CDH13: variants seen among roughly 807,000 people sequenced by gnomAD.
CDH13 encodes the protein cadherin 13.
CDH13 carries 24 observed loss-of-function variants against 63.8 expected under a neutral mutation model. The observed-to-expected ratio is 0.38, with a 90% CI of 0.27 to 0.53. CDH13 has a LOEUF of 0.53. CDH13 is among the 20% of genes least tolerant of loss of function. The pLI is 0.85. For missense variants in CDH13, 1,049 were observed against 903.1 expected (o/e 1.16, Z -2.07); for synonymous variants, 503 against 355.3 (o/e 1.42, Z -4.67).
At chr16:83,071,984 G>A (rs1302594077) in intron 3 of CDH13, among the ~76,000 whole-genome samples, 1 of 151,902 alleles carries the variant, frequency 6.6e-6, no homozygotes, top group Non-Finnish European at 1.5e-5. Flanking sequence ...AAGCACATAT[G>A]CAATTCTAAA....
At chr16:82,797,010 C>G (rs748377917) in intron 1 of CDH13, among the ~76,000 whole-genome samples, 1 of 152,224 alleles carries the variant, frequency 6.6e-6, no homozygotes, top group East Asian at 1.9e-4. Flanking sequence ...CCAAACCAGC[C>G]TGACACAGTA....
intron 1 of CDH13, among the ~76,000 whole-genome samples, chr16:82,689,958 A>G: frequency 7.4e-6 from 1 of 135,512 alleles, no homozygotes; most frequent in East Asian, 2.5e-4. Flanking sequence ...CAGCCTGACC[A>G]ACATGGTGAA....
At chr16:83,304,176 A>G (rs1265483501) in intron 5 of CDH13, among the ~76,000 whole-genome samples, 1 of 152,018 alleles carries the variant, frequency 6.6e-6, no homozygotes, top group Non-Finnish European at 1.5e-5. Context: ...GATTATGAAG[A>G]CTCTTACCAG....
chr16:83,634,288 C>G (rs1911062326), intron 8 of CDH13, among the ~76,000 whole-genome samples: 1 of 152,168 alleles, frequency 6.6e-6, no homozygotes, highest in East Asian at 1.9e-4. Flanking sequence ...TAACCTTCCC[C>G]TTACTCTTGG....
chr16:82,909,703 C>T (rs1298156259), intron 2 of CDH13, among the ~76,000 whole-genome samples: 1 of 152,064 alleles, frequency 6.6e-6, no homozygotes, highest in East Asian at 1.9e-4. Flanking sequence ...GAGAAAGACC[C>T]AACCCCATGA....
At chr16:82,746,776 G>A (rs1219834632) in intron 1 of CDH13, among the ~76,000 whole-genome samples, 2 of 152,040 alleles carry the variant, frequency 1.3e-5, no homozygotes, top group Non-Finnish European at 2.9e-5. Flanking sequence ...TTATAAAGAA[G>A]TTGCAAGAGT....
rs370246511 is a variant in CDH13 at position 83,097,371 on chromosome 16, G to T, written c.367-28014G>T. On this transcript the variant is annotated intron_variant, in intron 3 of 13. Transcript: ENST00000567109. ...ACCTAAGAGAGCTCAAGATTATGGG[G>T]TGCTGCCAAATATAACACTAGTCTT... 2.0e-4 allele frequency among the ~76,000 whole-genome samples: 31 copies of T among 152,276 alleles called. 1 individual carries two copies. The East Asian group carries it at 4.0e-3, about 20-fold the overall frequency.
chr16:83,603,756 C>A (rs1016637684), intron 8 of CDH13, among the ~76,000 whole-genome samples: 2 of 152,256 alleles, frequency 1.3e-5, no homozygotes, highest in East Asian at 3.9e-4. Flanking sequence ...CATTCTCACA[C>A]TGCTATAAAG....
chr16:83,515,477 C>T (rs370289130), intron 7 of CDH13, among the ~76,000 whole-genome samples: 170 of 152,310 alleles, frequency 1.1e-3, no homozygotes, highest in African/African-American at 3.9e-3. Flanking sequence ...ATTGAAGGAG[C>T]TTCTGTAATC....
Position 82,962,946 on chromosome 16 carries a change from T to C in CDH13, c.158-69064T>C, listed in dbSNP as rs188498185. On this transcript the variant is annotated intron_variant, in intron 2 of 13. Transcript: ENST00000567109. ...AAATGATATATAAGCAAAATAATAA[T>C]TTAGTAAAAGGTGTAATTATTTTTC... Among the ~76,000 whole-genome samples the C allele has an allele frequency of 2.1e-3, 322 of 152,302 alleles. 1 individual carries two copies. Among genetic ancestry groups the C allele is most frequent in the Middle Eastern group, 0.017 (5 of 294 alleles).
chr16:83,333,060 C>G (rs546864755), intron 5 of CDH13, among the ~76,000 whole-genome samples: 1 of 151,976 alleles, frequency 6.6e-6, no homozygotes, highest in African/African-American at 2.4e-5. Context: ...CCCCTTTGAT[C>G]GTTTTTATAA....
chr16:83,616,834 A>G (rs1409800536), intron 8 of CDH13, among the ~76,000 whole-genome samples: 3 of 152,126 alleles, frequency 2.0e-5, no homozygotes, highest in Non-Finnish European at 4.4e-5. Context: ...AACACTGTCC[A>G]CCTGGCTACA....
rs370520632 is a variant in CDH13 at position 82,706,076 on chromosome 16, TC to T, written c.45+78942del. Among the ~76,000 whole-genome samples the T allele has an allele frequency of 3.2e-3, 485 of 152,096 alleles. 1 individual carries two copies. Among genetic ancestry groups the T allele is most frequent in the Non-Finnish European group, 5.6e-3 (384 of 67,984 alleles). ...CCTTCTTCCTTATTCTCTCTCTTCC[TC>T]CCTTTCTTCTTCATCTTCCTGTCTT... On this transcript the variant is annotated intron_variant, in intron 1 of 13. Coordinates refer to ENST00000567109, the MANE Select transcript of CDH13 (RefSeq NM_001257.5).
intron 5 of CDH13, among the ~76,000 whole-genome samples, chr16:83,229,081 C>T (rs1052071375): frequency 6.6e-6 from 1 of 152,076 alleles, no homozygotes; most frequent in Non-Finnish European, 1.5e-5. Context: ...CCATACCGGG[C>T]CTCACAGGGC....
intron 1 of CDH13, among the ~76,000 whole-genome samples, chr16:82,800,585 G>C (rs1427768244): frequency 6.6e-6 from 1 of 152,212 alleles, no homozygotes; most frequent in East Asian, 1.9e-4. Flanking sequence ...TAAAAGTTAA[G>C]AACCATTAAT....
intron 5 of CDH13, among the ~76,000 whole-genome samples, chr16:83,294,849 A>T (rs1475979193): frequency 6.6e-6 from 1 of 152,138 alleles, no homozygotes; most frequent in African/African-American, 2.4e-5. Flanking sequence ...TAAAATATCA[A>T]TGACATTATT....
chr16:83,258,147 CGT>C (rs1906518215), intron 5 of CDH13, among the ~76,000 whole-genome samples: 2 of 152,140 alleles, frequency 1.3e-5, no homozygotes, highest in Non-Finnish European at 2.9e-5. Flanking sequence ...TACACAATAA[CGT>C]ATACTAATCA....
chr16:83,722,885 G>A lies in CDH13; in HGVS notation c.1539-25223G>A, dbSNP rs1032852667. Among the ~76,000 whole-genome samples, 13 of 152,278 alleles carry A rather than the reference G, an allele frequency of 8.5e-5. No homozygotes were observed. The East Asian group carries it at 9.7e-4, about 11-fold the overall frequency. ...TTTATCAGCAGCCATGGATTGAATC[G>A]TTGACTTGATTTTACTACACTGAGG... On this transcript the variant is annotated intron_variant, in intron 10 of 13. Transcript: ENST00000567109.
chr16:83,630,827 T>C (rs1432385700), intron 8 of CDH13, among the ~76,000 whole-genome samples: 3 of 152,226 alleles, frequency 2.0e-5, no homozygotes, highest in Non-Finnish European at 2.9e-5. Context: ...AGATATTTTC[T>C]ATATTTGTAG....
Sources: allele counts gnomAD v4.1 joint callset (sites outside exome capture counted in the v4.1 genomes callset), GRCh38; gene constraint gnomAD v4.1.1; transcripts MANE v1.5; gene names NCBI Gene and HGNC (gene_info 2026-07-23, HGNC 2026-07-21).